NEO1: variants seen among roughly 807,000 people sequenced by gnomAD.
The protein encoded by NEO1 is neogenin.
Under a neutral mutation model 159.7 loss-of-function variants are expected in NEO1, and 63 were observed. That is an observed-to-expected ratio of 0.39 (90% confidence interval 0.32 to 0.49). The LOEUF (loss-of-function observed/expected upper bound fraction) is 0.49. NEO1 is among the 20% of genes least tolerant of loss of function. The pLI, the probability that NEO1 is intolerant of heterozygous loss-of-function variation, is 0.85. For missense variants in NEO1, 1,615 were observed against 1,831.0 expected (o/e 0.88, Z 2.15); for synonymous variants, 633 against 662.0 (o/e 0.96, Z 0.67).
At chr15:73,063,002 A>G (rs1043650981) in intron 1 of NEO1, among the ~76,000 whole-genome samples, 3 of 152,234 alleles carry the variant, frequency 2.0e-5, no homozygotes, top group Non-Finnish European at 2.9e-5. Context: ...ACATCTATAT[A>G]GATGGGTTTC....
rs139562611 is a variant in NEO1, at chr15:73,233,592, C to G, written c.1292-2755C>G. Reference sequence around the variant, plus strand: ...TTTGTCCTTAAGGAGCTTATAGATTCGTGGAAGTAATACAATGTAAACATG... The same window carrying G: ...TTTGTCCTTAAGGAGCTTATAGATTGGTGGAAGTAATACAATGTAAACATG... On this transcript the variant is annotated intron_variant, in intron 7 of 28. Transcript: ENST00000261908. Among the ~76,000 whole-genome samples the G allele has an allele frequency of 5.3e-5, 8 of 152,084 alleles. No homozygotes were observed. The East Asian group carries it at 1.5e-3, about 29-fold the overall frequency.
intron 4 of NEO1, among the ~76,000 whole-genome samples, chr15:73,131,289 C>T (rs180950768): frequency 3.1e-4 from 47 of 152,310 alleles, no homozygotes; most frequent in African/African-American, 1.1e-3. Flanking sequence ...ATCATAGCAT[C>T]ACTTCAGTGA....
At chr15:73,248,723 C>G (rs1291753215) in intron 9 of NEO1, among the ~76,000 whole-genome samples, 2 of 152,134 alleles carry the variant, frequency 1.3e-5, no homozygotes, top group Non-Finnish European at 2.9e-5. Context: ...GGGCAGGATT[C>G]TATTCATCAC....
At chr15:73,109,673 A>G (rs1368362944) in intron 1 of NEO1, among the ~76,000 whole-genome samples, 1 of 152,132 alleles carries the variant, frequency 6.6e-6, no homozygotes, top group Non-Finnish European at 1.5e-5. Flanking sequence ...GAATTTCCCT[A>G]TAGGACATTA....
rs371969178 is a variant in NEO1, at chr15:73,144,875, T to C, written c.1015+8848T>C. Among the ~76,000 whole-genome samples the C allele has an allele frequency of 3.4e-4, 52 of 152,314 alleles. 1 individual carries two copies. In the South Asian group the frequency reaches 9.1e-3, roughly 27 times the overall value. On this transcript the variant is annotated intron_variant, in intron 5 of 28. Coordinates refer to ENST00000261908, the MANE Select transcript of NEO1 (RefSeq NM_002499.4). ...AAATCATTCTTGATTATTTCAATCT[T>C]TTTATTTTTTTTCCACATTCAGTTC...
chr15:73,089,730 G>T (rs1344189036), intron 1 of NEO1, among the ~76,000 whole-genome samples: 1 of 151,954 alleles, frequency 6.6e-6, no homozygotes, highest in African/African-American at 2.4e-5. Flanking sequence ...TTTTTTGTAG[G>T]TGGTGATATT....
In NEO1 at chr15:73,270,120, A is replaced by G. The variant is rs892857249; in HGVS notation, c.2605A>G (p.Thr869Ala). The change falls in exon 17 of 29, where the codon ACC becomes GCC. Residue 869 changes from threonine (T) to alanine (A), a missense_variant. Transcript: ENST00000261908. ...GVQASILSHDTIRITWADNSL... is the reference protein window; with the variant it reads ...GVQASILSHDAIRITWADNSL... Reference sequence around the variant, plus strand: ...TCAGGCTTCCATTCTGAGTCATGACACCATCAGGATTACGTGGGCAGACAA... The same window carrying G: ...TCAGGCTTCCATTCTGAGTCATGACGCCATCAGGATTACGTGGGCAGACAA... The G allele has an allele frequency of 6.2e-7, 1 of 1,614,146 alleles. No homozygotes were observed. Among genetic ancestry groups the G allele is most frequent in the South Asian group, 1.1e-5 (1 of 91,082 alleles).
At chr15:73,178,230 A>G (rs2035394739) in intron 6 of NEO1, 77 bp from the exon 7 acceptor site, 1 of 1,393,592 alleles carries the variant, frequency 7.2e-7, no homozygotes, top group African/African-American at 1.5e-5. Flanking sequence ...TTCCTCTCCA[A>G]AAAGCATATT....
chr15:73,127,259 C>T (rs1429947869), intron 4 of NEO1, among the ~76,000 whole-genome samples: 1 of 151,370 alleles, frequency 6.6e-6, no homozygotes, highest in Non-Finnish European at 1.5e-5. Context: ...CTGTATTCCT[C>T]ATCCTGTTGT....
At chr15:73,296,647 G>A (rs1303615379) in intron 26 of NEO1, among the ~76,000 whole-genome samples, 1 of 152,116 alleles carries the variant, frequency 6.6e-6, no homozygotes, top group Non-Finnish European at 1.5e-5. Flanking sequence ...CCCATCTGCG[G>A]GGATACATTC....
intron 7 of NEO1, among the ~76,000 whole-genome samples, chr15:73,229,513 A>G (rs573219726): frequency 1.3e-5 from 2 of 151,532 alleles, no homozygotes; most frequent in South Asian, 2.1e-4. Flanking sequence ...TCATTCACAC[A>G]TGAAAATAGT....
At chr15:73,179,454 A>T (rs2035474183) in intron 7 of NEO1, among the ~76,000 whole-genome samples, 1 of 152,174 alleles carries the variant, frequency 6.6e-6, no homozygotes, top group South Asian at 2.1e-4. Context: ...GCTTACAGAG[A>T]GGTATCTCAC....
chr15:73,258,735 T>G, intron 13 of NEO1, 31 bp from the exon 14 acceptor site: 1 of 1,566,066 alleles, frequency 6.4e-7, no homozygotes, highest in Non-Finnish European at 8.8e-7. Flanking sequence ...AAGCTCTTGT[T>G]TCAGTTGTCT....
intron 5 of NEO1, among the ~76,000 whole-genome samples, chr15:73,167,626 G>T (rs1289286415): frequency 1.3e-5 from 2 of 152,192 alleles, no homozygotes; most frequent in East Asian, 3.8e-4. Flanking sequence ...CCAAGTGTAC[G>T]ATGATGAATG....
At chr15:73,293,320 T>C in intron 25 of NEO1, 70 bp from the exon 26 acceptor site, 7 of 1,585,766 alleles carry the variant, frequency 4.4e-6, no homozygotes, top group Non-Finnish European at 6.0e-6. Flanking sequence ...GTGACTTTGC[T>C]CTTAAACTGT....
At chr15:73,083,577 C>T (rs543319302) in intron 1 of NEO1, among the ~76,000 whole-genome samples, 1 of 152,258 alleles carries the variant, frequency 6.6e-6, no homozygotes, top group South Asian at 2.1e-4. Context: ...CTGCCACACT[C>T]AGTCCCATTT....
chr15:73,130,159 AG>A (rs1248701033), intron 4 of NEO1, among the ~76,000 whole-genome samples: 2 of 152,096 alleles, frequency 1.3e-5, no homozygotes, highest in East Asian at 3.8e-4. Context: ...TTTTTCATAG[AG>A]ACGGGGTTTC....
intron 25 of NEO1, among the ~76,000 whole-genome samples, chr15:73,289,789 TA>T (rs1048532619): frequency 1.3e-5 from 2 of 151,770 alleles, no homozygotes; most frequent in African/African-American, 4.8e-5. Flanking sequence ...CCAAAAAAAA[TA>T]AAATTAAAAA....
intron 1 of NEO1, among the ~76,000 whole-genome samples, chr15:73,058,197 T>C (rs1001712301): frequency 1.3e-5 from 2 of 152,212 alleles, no homozygotes; most frequent in East Asian, 1.9e-4. Flanking sequence ...TAGTGGCTAA[T>C]TAAAGTAGTA....
Sources: gnomAD v4.1 joint callset for allele counts (sites outside exome capture counted in the v4.1 genomes callset) on GRCh38, gnomAD v4.1.1 for gene constraint, MANE v1.5 for transcripts, NCBI Gene and HGNC (gene_info 2026-07-23, HGNC 2026-07-21) for gene names.